The following CNTN4 variants were observed in gnomAD, a reference collection of about 807,000 sequenced individuals.
CNTN4 encodes contactin 4, also known as contactin-4.
A neutral mutation model predicts 122.5 loss-of-function variants in CNTN4; 77 were observed. That is an observed-to-expected ratio of 0.63 (90% CI 0.52 to 0.76). The LOEUF (loss-of-function observed/expected upper bound fraction) is 0.76. CNTN4 is among the 30% of genes least tolerant of loss of function. The probability of loss-of-function intolerance (pLI) is 0.00; values close to 1 mark genes in which losing one functional copy is unlikely to be tolerated. For missense variants in CNTN4, 1,256 were observed against 1,259.1 expected (o/e 1.00, Z 0.04); for synonymous variants, 512 against 447.0 (o/e 1.15, Z -1.83).
Position 2,874,342 on chromosome 3 carries a change from A to G in CNTN4, c.652+7393A>G, listed in dbSNP as rs559443260. On this transcript the variant is annotated intron_variant, in intron 8 of 24. Coordinates refer to ENST00000418658, the MANE Select transcript of CNTN4 (RefSeq NM_175607.3). ...AGAATTCCAAGTTAATGAAGGGTCTAAAGTTTCATTCTTTACTGGAATTAT... is the reference window on the plus strand; with the variant it reads ...AGAATTCCAAGTTAATGAAGGGTCTGAAGTTTCATTCTTTACTGGAATTAT... Among the ~76,000 whole-genome samples, 13 of 152,372 alleles carry G rather than the reference A, an allele frequency of 8.5e-5. No homozygotes were observed. In the South Asian group the frequency reaches 2.3e-3, roughly 27 times the overall value.
intron 13 of CNTN4, among the ~76,000 whole-genome samples, chr3:2,964,104 G>C (rs67220438): frequency 0.26 from 38,956 of 151,922 alleles, 5,836 homozygotes; most frequent in Non-Finnish European, 0.35. Flanking sequence ...TAGTGTTTTT[G>C]AGCATTCATA....
chr3:2,995,604 C>T (rs981043685), intron 14 of CNTN4, among the ~76,000 whole-genome samples: 1 of 152,106 alleles, frequency 6.6e-6, no homozygotes, highest in Non-Finnish European at 1.5e-5. Context: ...TTGCTTTTGG[C>T]ATAAAAGACA....
At chr3:2,812,081 C>T (rs946291015) in intron 6 of CNTN4, among the ~76,000 whole-genome samples, 3 of 152,034 alleles carry the variant, frequency 2.0e-5, no homozygotes, top group Non-Finnish European at 2.9e-5. Context: ...GATGAGAACA[C>T]GTGGACACAT....
chr3:2,844,210 A>G (rs1353733146), intron 7 of CNTN4, among the ~76,000 whole-genome samples: 3 of 152,206 alleles, frequency 2.0e-5, no homozygotes, highest in South Asian at 2.1e-4. Context: ...TTTTTCAAAT[A>G]GTACTCACCA....
chr3:2,679,795 C>G (rs2085071390), intron 4 of CNTN4, among the ~76,000 whole-genome samples: 1 of 152,136 alleles, frequency 6.6e-6, no homozygotes, highest in South Asian at 2.1e-4. Context: ...TATTGCATAC[C>G]TTTCCTTGAC....
At chr3:2,353,911 A>G (rs557653548) in intron 3 of CNTN4, among the ~76,000 whole-genome samples, 9 of 149,118 alleles carry the variant, frequency 6.0e-5, no homozygotes, top group Admixed American at 2.7e-4. Context: ...AAAAAACAAA[A>G]ACAAAACAAA....
rs150585167 is a variant in CNTN4 at position 2,142,513 on chromosome 3, G to A, written c.-145+41874G>A. Among the ~76,000 whole-genome samples the A allele has an allele frequency of 5.2e-3, 789 of 152,142 alleles. 2 individuals carry two copies. Among genetic ancestry groups the A allele is most frequent in the African/African-American group, 0.017 (724 of 41,512 alleles). On this transcript the variant is annotated intron_variant, in intron 2 of 24. Coordinates refer to ENST00000418658, the MANE Select transcript of CNTN4 (RefSeq NM_175607.3). Reference sequence around the variant, plus strand: ...CCAATAGCTGGGATTACAGGTGCCCGCCATCATGCCTGGCTAATTTTGTAT... The same window carrying A: ...CCAATAGCTGGGATTACAGGTGCCCACCATCATGCCTGGCTAATTTTGTAT...
chr3:2,985,647 GC>G (rs1194273811), intron 13 of CNTN4: 1 of 152,128 alleles, frequency 6.6e-6, no homozygotes, highest in African/African-American at 2.4e-5. Flanking sequence ...GACCTCCAAC[GC>G]CAGGCCTCTA....
intron 4 of CNTN4, among the ~76,000 whole-genome samples, chr3:2,672,246 C>T (rs1404871562): frequency 1.3e-5 from 2 of 152,230 alleles, no homozygotes; most frequent in East Asian, 3.9e-4. Context: ...CCTCCTTGAG[C>T]TGTGGTGGGC....
chr3:2,171,978 A>G (rs1223065949), intron 2 of CNTN4, among the ~76,000 whole-genome samples: 2 of 152,158 alleles, frequency 1.3e-5, no homozygotes, highest in Non-Finnish European at 2.9e-5. Flanking sequence ...GTGAATCAGA[A>G]ATTTCTGGAG....
intron 4 of CNTN4, among the ~76,000 whole-genome samples, chr3:2,631,372 G>A (rs1019791948): frequency 2.0e-5 from 3 of 152,128 alleles, no homozygotes; most frequent in African/African-American, 7.2e-5. Context: ...AGATTAGCTG[G>A]ATGTTCATAT....
At chr3:2,308,398 C>G (rs1473746750) in intron 2 of CNTN4, among the ~76,000 whole-genome samples, 2 of 151,566 alleles carry the variant, frequency 1.3e-5, no homozygotes, top group African/African-American at 2.4e-5. Context: ...TTTGCAATTC[C>G]CTTTATATTT....
chr3:2,225,431 T>G (rs568821236), intron 2 of CNTN4, among the ~76,000 whole-genome samples: 2 of 151,636 alleles, frequency 1.3e-5, no homozygotes, highest in Non-Finnish European at 2.9e-5. Context: ...AAGAATTGCT[T>G]AAATCCGGGT....
chr3:2,199,865 C>G (rs998269349), intron 2 of CNTN4, among the ~76,000 whole-genome samples: 2 of 152,030 alleles, frequency 1.3e-5, no homozygotes, highest in African/African-American at 4.8e-5. Flanking sequence ...TAAGGACGTT[C>G]TTAACAGAGG....
At chr3:2,699,511 T>G (rs905566027) in intron 4 of CNTN4, among the ~76,000 whole-genome samples, 1 of 152,234 alleles carries the variant, frequency 6.6e-6, no homozygotes, top group African/African-American at 2.4e-5. Flanking sequence ...CACCTAAGTC[T>G]TCTTTGGTTG....
At chr3:2,447,856 C>T (rs2048681413) in intron 3 of CNTN4, among the ~76,000 whole-genome samples, 1 of 152,024 alleles carries the variant, frequency 6.6e-6, no homozygotes, top group South Asian at 2.1e-4. Context: ...CTCAAGATTC[C>T]AGTTAAGTGT....
At chr3:3,014,223 T>C (rs1383831907) in intron 14 of CNTN4, among the ~76,000 whole-genome samples, 1 of 152,194 alleles carries the variant, frequency 6.6e-6, no homozygotes, top group South Asian at 2.1e-4. Flanking sequence ...TTCTGAAGTA[T>C]CCTGCCAATT....
intron 24 of CNTN4, among the ~76,000 whole-genome samples, chr3:3,054,630 GA>G (rs372487690): frequency 6.6e-5 from 10 of 151,830 alleles, no homozygotes; most frequent in African/African-American, 2.4e-4. Flanking sequence ...TTTATTTAAA[GA>G]AAAAAAACAA....
chr3:2,223,762 A>G (rs1290317629), intron 2 of CNTN4, among the ~76,000 whole-genome samples: 3 of 152,214 alleles, frequency 2.0e-5, no homozygotes, highest in Admixed American at 6.5e-5. Flanking sequence ...GAATTGTGGT[A>G]CATGGTAGTA....
Sources: gnomAD v4.1 joint callset for allele counts (sites outside exome capture counted in the v4.1 genomes callset) on GRCh38, gnomAD v4.1.1 for gene constraint, MANE v1.5 for transcripts, NCBI Gene and HGNC (gene_info 2026-07-23, HGNC 2026-07-21) for gene names.